CHCHD6: variants seen among roughly 807,000 people sequenced by gnomAD.
CHCHD6 encodes the protein MICOS complex subunit MIC25.
A neutral mutation model predicts 32.3 loss-of-function variants in CHCHD6; 28 were observed. The observed-to-expected ratio is 0.87, with a 90% CI of 0.64 to 1.19. The LOEUF is 1.19. Ranked by LOEUF, CHCHD6 falls within the 50% of genes most tolerant of loss-of-function variation. CHCHD6 has a pLI of 0.00. For synonymous variants in CHCHD6, 122 were observed against 117.5 expected (o/e 1.04, Z -0.25); for missense variants, 333 against 307.0 (o/e 1.08, Z -0.63).
At chr3:126,953,018 C>T (rs1173503081) in intron 6 of CHCHD6, 5 of 985,326 alleles carry the variant, frequency 5.1e-6, no homozygotes, top group South Asian at 4.7e-5. Context: ...GCCAATGATT[C>T]CTTCAGGGCC....
At chr3:126,906,463 C>T (rs2078007580) in intron 5 of CHCHD6, among the ~76,000 whole-genome samples, 1 of 152,230 alleles carries the variant, frequency 6.6e-6, no homozygotes, top group Non-Finnish European at 1.5e-5. Flanking sequence ...CCCTGCTGGC[C>T]CTCCCTGCAT....
At chr3:126,705,976 C>T (rs1245234437) in intron 1 of CHCHD6, among the ~76,000 whole-genome samples, 3 of 152,154 alleles carry the variant, frequency 2.0e-5, no homozygotes, top group African/African-American at 7.2e-5. Flanking sequence ...GCTTGCTAGG[C>T]GTTGTATAGT....
chr3:126,822,527 C>G (rs774466080), intron 4 of CHCHD6, among the ~76,000 whole-genome samples: 14 of 151,970 alleles, frequency 9.2e-5, no homozygotes, highest in Admixed American at 7.2e-4. Flanking sequence ...GTTTATTTTC[C>G]CTGACAATTT....
chr3:126,885,448 G>A (rs1215254904), intron 5 of CHCHD6, among the ~76,000 whole-genome samples: 1 of 152,084 alleles, frequency 6.6e-6, no homozygotes, highest in Non-Finnish European at 1.5e-5. Context: ...CTGCACACTG[G>A]CCTGCACTCC....
At chr3:126,743,449 G>T (rs1936362679) in intron 4 of CHCHD6, among the ~76,000 whole-genome samples, 2 of 152,200 alleles carry the variant, frequency 1.3e-5, no homozygotes, top group African/African-American at 4.8e-5. Flanking sequence ...CTCATTAGCT[G>T]CTAACTTTGT....
chr3:126,768,957 C>A (rs966597831), intron 4 of CHCHD6, among the ~76,000 whole-genome samples: 2 of 152,130 alleles, frequency 1.3e-5, no homozygotes. Flanking sequence ...AGATGTATAG[C>A]TTGCAAATAT....
At chr3:126,896,053 G>T (rs1310031851) in intron 5 of CHCHD6, among the ~76,000 whole-genome samples, 5 of 152,198 alleles carry the variant, frequency 3.3e-5, no homozygotes, top group Non-Finnish European at 7.3e-5. Flanking sequence ...TTGCCAGGGT[G>T]GAATATATGA....
chr3:126,858,568 C>A (rs771477935), intron 5 of CHCHD6, among the ~76,000 whole-genome samples: 2 of 152,212 alleles, frequency 1.3e-5, no homozygotes, highest in Non-Finnish European at 2.9e-5. Context: ...ACCTTACAGG[C>A]CTTAAACATC....
intron 5 of CHCHD6, among the ~76,000 whole-genome samples, chr3:126,902,296 G>A (rs895762614): frequency 3.9e-5 from 6 of 152,208 alleles, no homozygotes; most frequent in African/African-American, 1.2e-4. Context: ...GAGGACCACT[G>A]GCCTAGAGTT....
chr3:126,733,080 A>G lies in CHCHD6; in HGVS notation c.269A>G (p.Tyr90Cys). The change falls in exon 4 of 8, where the codon TAT becomes TGT. Residue 90 changes from tyrosine (Y) to cysteine (C), a missense_variant and splice_region_variant. Coordinates refer to ENST00000290913, the MANE Select transcript of CHCHD6 (RefSeq NM_032343.3). The stretch of plus-strand genomic sequence containing the variant: ...CTCCTCATGTTTCTTCTGCACAGGT[A>G]TGAACAGGAGCATGCTGCTATCCAG... ...PSGMKEGVKR[Y>C]EQEHAAIQDK... 3 of 1,614,178 alleles carry G rather than the reference A, an allele frequency of 1.9e-6. No homozygotes were observed. Among genetic ancestry groups the G allele is most frequent in the Admixed American group, 1.7e-5 (1 of 60,020 alleles).
chr3:126,958,814 C>T (rs1039780854), intron 7 of CHCHD6, among the ~76,000 whole-genome samples: 2 of 152,316 alleles, frequency 1.3e-5, no homozygotes, highest in African/African-American at 2.4e-5. Flanking sequence ...GCAGGAGGCG[C>T]TGGGGCACTG....
chr3:126,889,221 G>A (rs1181634445), intron 5 of CHCHD6, among the ~76,000 whole-genome samples: 1 of 152,164 alleles, frequency 6.6e-6, no homozygotes, highest in Non-Finnish European at 1.5e-5. Flanking sequence ...AAGGGCCCAG[G>A]GCAGGGCTGC....
intron 3 of CHCHD6, among the ~76,000 whole-genome samples, chr3:126,730,967 G>T (rs1935772181): frequency 6.6e-6 from 1 of 151,792 alleles, no homozygotes; most frequent in African/African-American, 2.4e-5. Context: ...TTAGCTGGGG[G>T]TGGTGGTGTG....
At chr3:126,907,015 T>TG (rs1348313285) in intron 5 of CHCHD6, among the ~76,000 whole-genome samples, 1 of 152,118 alleles carries the variant, frequency 6.6e-6, no homozygotes, top group African/African-American at 2.4e-5. Flanking sequence ...TGGAAAGTGC[T>TG]GGGGGTACAT....
chr3:126,729,365 ATG>A (rs1190584925), intron 2 of CHCHD6, among the ~76,000 whole-genome samples: 3 of 152,220 alleles, frequency 2.0e-5, no homozygotes, highest in Admixed American at 6.5e-5. Context: ...ATGTTCAACA[ATG>A]TGCACTCCAA....
At chr3:126,902,004 C>T (rs577317639) in intron 5 of CHCHD6, among the ~76,000 whole-genome samples, 8 of 152,340 alleles carry the variant, frequency 5.3e-5, no homozygotes, top group East Asian at 1.9e-4. Context: ...AACAGGAACG[C>T]GCAAGTTAAG....
At chr3:126,909,933 C>T (rs907311882) in intron 5 of CHCHD6, among the ~76,000 whole-genome samples, 5 of 152,110 alleles carry the variant, frequency 3.3e-5, no homozygotes, top group South Asian at 2.1e-4. Context: ...ACGGCCTAGC[C>T]GGGGAGAGCT....
At chr3:126,860,681 G>C (rs1941829920) in intron 5 of CHCHD6, among the ~76,000 whole-genome samples, 1 of 152,072 alleles carries the variant, frequency 6.6e-6, no homozygotes, top group Admixed American at 6.6e-5. Context: ...TTTTAGTAAT[G>C]GTACCACCAT....
intron 4 of CHCHD6, among the ~76,000 whole-genome samples, chr3:126,763,506 A>G (rs1937240552): frequency 6.6e-6 from 1 of 151,732 alleles, no homozygotes; most frequent in East Asian, 1.9e-4. Context: ...TTGTTTGTTT[A>G]TTTGTTTGTA....
Sources: allele counts gnomAD v4.1 joint callset (sites outside exome capture counted in the v4.1 genomes callset), GRCh38; gene constraint gnomAD v4.1.1; transcripts MANE v1.5; gene names NCBI Gene and HGNC (gene_info 2026-07-23, HGNC 2026-07-21).